NUBPL: variants seen among roughly 807,000 people sequenced by gnomAD.
NUBPL encodes the protein iron-sulfur cluster transfer protein NUBPL.
NUBPL carries 31 observed loss-of-function variants against 45.7 expected under a neutral mutation model. The ratio of observed to expected loss-of-function variants is 0.68; its 90% CI spans 0.51 to 0.92. NUBPL has a LOEUF of 0.92. NUBPL is among the 40% of genes least tolerant of loss of function. NUBPL has a pLI of 0.00. For missense variants in NUBPL, 401 were observed against 398.7 expected (o/e 1.01, Z -0.05); for synonymous variants, 144 against 140.9 (o/e 1.02, Z -0.15).
intron 10 of NUBPL, among the ~76,000 whole-genome samples, chr14:31,852,803 T>A (rs1490966609): frequency 6.6e-6 from 1 of 152,148 alleles, no homozygotes; most frequent in Non-Finnish European, 1.5e-5. Flanking sequence ...AATCCTCCAG[T>A]TAGTCTTGTG....
intron 3 of NUBPL, among the ~76,000 whole-genome samples, chr14:31,591,761 CATAGTATGTTAAAGCTT>C (rs983486121): frequency 1.3e-5 from 2 of 152,006 alleles, no homozygotes; most frequent in Non-Finnish European, 2.9e-5. Flanking sequence ...TTCTTGAAAT[CATAGTATGTTAAAGCTT>C]ATAAGAGACT....
At chr14:31,728,872 A>G (rs2037983869) in intron 6 of NUBPL, among the ~76,000 whole-genome samples, 2 of 152,240 alleles carry the variant, frequency 1.3e-5, no homozygotes, top group Non-Finnish European at 2.9e-5. Context: ...TCTTCTTATG[A>G]AACTGATTAT....
intron 2 of NUBPL, among the ~76,000 whole-genome samples, chr14:31,563,527 A>C (rs1479369418): frequency 1.3e-5 from 2 of 152,256 alleles, no homozygotes; most frequent in South Asian, 4.1e-4. Flanking sequence ...ATACTTTTTC[A>C]TAACAGCTCT....
At chr14:31,776,276 GC>G (rs2039096277) in intron 6 of NUBPL, among the ~76,000 whole-genome samples, 1 of 152,092 alleles carries the variant, frequency 6.6e-6, no homozygotes, top group Admixed American at 6.6e-5. Flanking sequence ...AGAATCTAGA[GC>G]CTCCCCAAAT....
chr14:31,673,949 G>GA (rs962289963), intron 6 of NUBPL, among the ~76,000 whole-genome samples: 8 of 152,114 alleles, frequency 5.3e-5, no homozygotes, highest in African/African-American at 1.9e-4. Flanking sequence ...TACAGATGTA[G>GA]AAAAAAATTA....
intron 6 of NUBPL, among the ~76,000 whole-genome samples, chr14:31,730,095 T>C (rs2038016862): frequency 6.6e-6 from 1 of 152,192 alleles, no homozygotes; most frequent in Non-Finnish European, 1.5e-5. Flanking sequence ...AGTACGGCAA[T>C]TTGGACCAAT....
At position 31,760,752 on chromosome 14, in the gene NUBPL, T is replaced by G. The variant is rs566017863; in HGVS notation, c.514-27028T>G. On this transcript the variant is annotated intron_variant, in intron 6 of 10. Coordinates refer to ENST00000281081, the MANE Select transcript of NUBPL (RefSeq NM_025152.3). ...GGCTGATTCTATATCTTGGTTATTG[T>G]GTCATATATTGATTAAAAAATTACA... Among the ~76,000 whole-genome samples the G allele has an allele frequency of 1.6e-4, 10 of 61,842 alleles. No individual in the cohort carries two copies. The Admixed American group carries it at 2.1e-3, about 13-fold the overall frequency. The allele number at this position is 61,842 out of a possible 152,430, so 40.6% of individuals were successfully genotyped here.
At chr14:31,615,582 A>G (rs1286994798) in intron 4 of NUBPL, among the ~76,000 whole-genome samples, 1 of 152,186 alleles carries the variant, frequency 6.6e-6, no homozygotes, top group African/African-American at 2.4e-5. Flanking sequence ...TTTGCTGAGA[A>G]TGATGATTTC....
At chr14:31,688,331 A>G (rs1436250076) in intron 6 of NUBPL, among the ~76,000 whole-genome samples, 1 of 151,976 alleles carries the variant, frequency 6.6e-6, no homozygotes, top group African/African-American at 2.4e-5. Context: ...TAATCCCAGC[A>G]CTTTGGCAGG....
chr14:31,664,150 G>T (rs556386071), intron 4 of NUBPL, among the ~76,000 whole-genome samples: 1 of 152,208 alleles, frequency 6.6e-6, no homozygotes, highest in African/African-American at 2.4e-5. Context: ...CAGACAATGG[G>T]GGTTTTTTAA....
At chr14:31,663,792 T>G (rs983814166) in intron 4 of NUBPL, among the ~76,000 whole-genome samples, 1 of 152,218 alleles carries the variant, frequency 6.6e-6, no homozygotes, top group East Asian at 1.9e-4. Context: ...AATGGTAGCT[T>G]GATGGGAATA....
At chr14:31,628,885 C>G (rs2035274907) in intron 4 of NUBPL, among the ~76,000 whole-genome samples, 1 of 152,062 alleles carries the variant, frequency 6.6e-6, no homozygotes, top group Non-Finnish European at 1.5e-5. Flanking sequence ...TGAAACTGAC[C>G]TTTAATTTTA....
intron 4 of NUBPL, among the ~76,000 whole-genome samples, chr14:31,671,598 C>A (rs1029874290): frequency 6.6e-6 from 1 of 152,008 alleles, no homozygotes; most frequent in Non-Finnish European, 1.5e-5. Context: ...TATTGCCAAC[C>A]GTGATAGCGA....
chr14:31,673,897 C>T (rs552684940), intron 6 of NUBPL, among the ~76,000 whole-genome samples: 2 of 152,240 alleles, frequency 1.3e-5, no homozygotes, highest in African/African-American at 2.4e-5. Context: ...TGATTAATCT[C>T]ATTGTGGTCA....
At chr14:31,740,916 G>A (rs966738726) in intron 6 of NUBPL, among the ~76,000 whole-genome samples, 2 of 152,098 alleles carry the variant, frequency 1.3e-5, no homozygotes, top group Admixed American at 6.6e-5. Flanking sequence ...GTCCATCAAA[G>A]GCATTGTTTA....
intron 4 of NUBPL, among the ~76,000 whole-genome samples, chr14:31,641,971 G>A (rs2120141): frequency 0.55 from 83,433 of 151,528 alleles, 25,043 homozygotes; most frequent in African/African-American, 0.82. Context: ...GTTGGCCTTT[G>A]TATGTCTTCT....
Position 31,860,748 on chromosome 14 carries a change from C to A in NUBPL, c.*1568C>A, listed in dbSNP as rs2040700465. 2 of 152,132 alleles carry A rather than the reference C, an allele frequency of 1.3e-5. No homozygotes were observed. The highest frequency in any genetic ancestry group is 4.8e-5 in the African/African-American group (2 of 41,422). 9.4% of individuals were successfully genotyped at this position (152,132 alleles called of 1,614,324 possible). On this transcript the variant is annotated 3_prime_UTR_variant, in exon 11 of 11. Transcript: ENST00000281081. ...AACCAAAAACAACCCAGATTTTCTT[C>A]ATTGGGTAAATGATTAAACAAACCA...
chr14:31,688,658 G>GTTTT (rs35846918), intron 6 of NUBPL, among the ~76,000 whole-genome samples: 21 of 129,448 alleles, frequency 1.6e-4, no homozygotes, highest in African/African-American at 6.7e-4. Flanking sequence ...TTTTGTTGTT[G>GTTTT]TTTTTTTTTT....
chr14:31,627,742 G>C (rs1234899638), intron 4 of NUBPL, among the ~76,000 whole-genome samples: 2 of 148,238 alleles, frequency 1.3e-5, no homozygotes, highest in African/African-American at 5.0e-5. Flanking sequence ...CTCCAGCCTG[G>C]GTGACAGAGT....
Sources: gnomAD v4.1 joint callset for allele counts (sites outside exome capture counted in the v4.1 genomes callset) on GRCh38, gnomAD v4.1.1 for gene constraint, MANE v1.5 for transcripts, NCBI Gene and HGNC (gene_info 2026-07-23, HGNC 2026-07-21) for gene names.